The following ULK4 variants were observed in gnomAD, a reference collection of about 807,000 sequenced individuals.
ULK4 encodes inactive serine/threonine-protein kinase ULK4.
In ULK4, 133 loss-of-function variants were observed where a neutral mutation model predicts 160.6. The ratio of observed to expected loss-of-function variants is 0.83; its 90% confidence interval spans 0.72 to 0.96. ULK4 has a LOEUF of 0.96. Among genes scored for constraint, ULK4 ranks in the 40% least tolerant of loss-of-function variants. The pLI, the probability that ULK4 is intolerant of heterozygous loss-of-function variation, is 0.00. For synonymous variants in ULK4, 534 were observed against 539.8 expected (o/e 0.99, Z 0.15); for missense variants, 1,580 against 1,499.5 (o/e 1.05, Z -0.89).
chr3:41,281,234 C>G (rs2079346528), intron 35 of ULK4, among the ~76,000 whole-genome samples: 1 of 152,156 alleles, frequency 6.6e-6, no homozygotes, highest in Non-Finnish European at 1.5e-5. Context: ...CAAAGAGGAG[C>G]TGGTACCATT....
intron 12 of ULK4, among the ~76,000 whole-genome samples, chr3:41,901,110 T>G (rs1342089412): frequency 1.3e-5 from 2 of 151,282 alleles, no homozygotes; most frequent in Non-Finnish European, 2.9e-5. Flanking sequence ...AAAAAATATC[T>G]TTACAATTCA....
At chr3:41,438,220 A>G (rs1333325373) in intron 34 of ULK4, among the ~76,000 whole-genome samples, 2 of 151,952 alleles carry the variant, frequency 1.3e-5, no homozygotes, top group East Asian at 3.9e-4. Flanking sequence ...CTCCAGCCTC[A>G]CTTCTTTTTG....
At chr3:41,736,333 C>A (rs1464041441) in intron 22 of ULK4, among the ~76,000 whole-genome samples, 1 of 151,750 alleles carries the variant, frequency 6.6e-6, no homozygotes, top group Admixed American at 6.6e-5. Flanking sequence ...TCCTATTTCT[C>A]CACATCCTCT....
intron 33 of ULK4, among the ~76,000 whole-genome samples, chr3:41,458,317 T>C (rs1446394586): frequency 1.3e-5 from 2 of 152,238 alleles, no homozygotes; most frequent in Non-Finnish European, 2.9e-5. Flanking sequence ...GACTGAATCA[T>C]ATTCATCTTT....
intron 22 of ULK4, among the ~76,000 whole-genome samples, chr3:41,749,378 G>C (rs2125891191): frequency 6.6e-6 from 1 of 152,262 alleles, no homozygotes; most frequent in African/African-American, 2.4e-5. Context: ...AGCTACTCAG[G>C]AGGCTGAGGC....
chr3:41,631,695 G>A (rs1378059263), intron 30 of ULK4, among the ~76,000 whole-genome samples: 1 of 152,018 alleles, frequency 6.6e-6, no homozygotes, highest in Non-Finnish European at 1.5e-5. Context: ...CACACCTGTT[G>A]AACAAAATAA....
intron 36 of ULK4, 25 bp from the exon 37 acceptor site, chr3:41,247,017 C>T (rs754783012): frequency 6.2e-7 from 1 of 1,610,668 alleles, no homozygotes; most frequent in Non-Finnish European, 8.5e-7. Context: ...AAAGTAGGTA[C>T]ACTTAATAGG....
intron 35 of ULK4, among the ~76,000 whole-genome samples, chr3:41,383,930 T>C (rs1210059517): frequency 1.3e-5 from 2 of 152,230 alleles, no homozygotes; most frequent in African/African-American, 2.4e-5. Flanking sequence ...CCCTCAGGCA[T>C]TAAAATTAAC....
intron 27 of ULK4, among the ~76,000 whole-genome samples, chr3:41,696,410 C>T (rs1164205905): frequency 2.6e-5 from 4 of 152,204 alleles, no homozygotes; most frequent in Non-Finnish European, 4.4e-5. Flanking sequence ...CAGGGAAGGG[C>T]CCCCTGTCCA....
At chr3:41,759,383 T>G (rs57630178) in intron 21 of ULK4, among the ~76,000 whole-genome samples, 10,020 of 152,182 alleles carry the variant, frequency 0.066, 1,096 homozygotes, top group African/African-American at 0.22. Context: ...CACTTTTCAA[T>G]AGCTCCAACA....
intron 21 of ULK4, among the ~76,000 whole-genome samples, chr3:41,764,682 G>A (rs531965556): frequency 2.0e-3 from 312 of 152,302 alleles, no homozygotes; most frequent in African/African-American, 7.2e-3. Context: ...TAACATGCTG[G>A]CAAAGAATTT....
intron 17 of ULK4, among the ~76,000 whole-genome samples, chr3:41,846,217 T>C (rs1054816118): frequency 1.3e-5 from 2 of 152,174 alleles, no homozygotes; most frequent in African/African-American, 2.4e-5. Context: ...AGGTTATTTG[T>C]ATAGATTTTC....
chr3:41,797,631 G>C (rs1287313468), intron 20 of ULK4, among the ~76,000 whole-genome samples: 1 of 152,124 alleles, frequency 6.6e-6, no homozygotes, highest in Non-Finnish European at 1.5e-5. Flanking sequence ...AGGCTGAGGT[G>C]GGTGGATCAC....
intron 31 of ULK4, among the ~76,000 whole-genome samples, chr3:41,610,423 G>T (rs1163355305): frequency 6.6e-6 from 1 of 152,066 alleles, no homozygotes; most frequent in Non-Finnish European, 1.5e-5. Flanking sequence ...TTAAAATAAG[G>T]AACTTCTCTT....
At chr3:41,831,859 G>T (rs1329567945) in intron 18 of ULK4, among the ~76,000 whole-genome samples, 1 of 151,948 alleles carries the variant, frequency 6.6e-6, no homozygotes, top group African/African-American at 2.4e-5. Flanking sequence ...TTCACCCATG[G>T]CCCTGCAAAT....
Position 41,681,358 on chromosome 3 carries a change from C to T in ULK4, c.2978+150G>A, listed in dbSNP as rs2035915747. ...TTCTGCAGTCTAACAGTTACCGCAC[C>T]TGTCTAAACTTTTTTTATAATGAGT... is the stretch of plus-strand genomic sequence containing the variant. On this transcript the variant is annotated intron_variant, in intron 29 of 36. Coordinates refer to ENST00000301831, the MANE Select transcript of ULK4 (RefSeq NM_017886.4). 4.8e-6 allele frequency: 5 copies of T among 1,037,974 alleles called. No homozygotes were observed. In the Admixed American group the frequency reaches 1.1e-4, roughly 23 times the overall value. The allele number at this position is 1,037,974 out of a possible 1,614,324, so 64.3% of individuals were successfully genotyped here. A position where few individuals can be genotyped will look rare whatever the true frequency, so the allele number is the denominator to read the frequency against.
At chr3:41,821,645 C>A (rs1045329312) in intron 18 of ULK4, among the ~76,000 whole-genome samples, 6 of 152,046 alleles carry the variant, frequency 3.9e-5, no homozygotes, top group Admixed American at 6.6e-5. Flanking sequence ...ACATCTTATC[C>A]CCTCTGGGTC....
intron 34 of ULK4, among the ~76,000 whole-genome samples, chr3:41,406,092 C>T (rs536150205): frequency 2.6e-5 from 4 of 152,218 alleles, no homozygotes; most frequent in African/African-American, 9.6e-5. Flanking sequence ...AGGATTCTTA[C>T]AGTTTGAGGT....
intron 21 of ULK4, among the ~76,000 whole-genome samples, chr3:41,763,590 A>G (rs1382224417): frequency 1.3e-5 from 2 of 152,234 alleles, no homozygotes; most frequent in Non-Finnish European, 2.9e-5. Flanking sequence ...AGAAACATTT[A>G]CATATCCATT....
Sources: gnomAD v4.1 joint callset for allele counts (sites outside exome capture counted in the v4.1 genomes callset) on GRCh38, gnomAD v4.1.1 for gene constraint, MANE v1.5 for transcripts, NCBI Gene and HGNC (gene_info 2026-07-23, HGNC 2026-07-21) for gene names.